The following ACBD6 variants were observed in gnomAD, a reference collection of about 807,000 sequenced individuals.
ACBD6 encodes the protein acyl-CoA binding domain containing 6, also known as acyl-CoA-binding domain-containing protein 6.
In ACBD6, 28 loss-of-function variants were observed where a neutral mutation model predicts 37.2. The observed-to-expected ratio is 0.75, with a 90% CI of 0.56 to 1.03. ACBD6 has a LOEUF of 1.03. Ranked by LOEUF, ACBD6 falls within the 50% of genes least tolerant of loss-of-function variation. The probability of loss-of-function intolerance (pLI) is 0.00; values close to 1 mark genes in which losing one functional copy is unlikely to be tolerated. For synonymous variants in ACBD6, 113 were observed against 126.8 expected, an observed-to-expected ratio of 0.89 and a Z score of 0.73; for missense variants, 340 against 337.4, an observed-to-expected ratio of 1.01 and a Z score of -0.06.
At chr1:180,271,480 G>A in exon 14 of ACBD6, 2 of 1,614,194 alleles carry the variant, frequency 1.2e-6, no homozygotes, top group South Asian at 1.1e-5. Flanking sequence ...AGCCTGCCCG[G>A]CACGTGAGGG....
intron 6 of ACBD6, among the ~76,000 whole-genome samples, chr1:180,315,222 A>G (rs1417684587): frequency 6.6e-6 from 1 of 152,194 alleles, no homozygotes; most frequent in East Asian, 1.9e-4. Context: ...TCATAAAGTA[A>G]TGTGATTTCA....
intron 6 of ACBD6, among the ~76,000 whole-genome samples, chr1:180,335,206 T>C (rs1651653143): frequency 6.6e-6 from 1 of 152,038 alleles, no homozygotes; most frequent in Non-Finnish European, 1.5e-5. Context: ...AGACACATAA[T>C]TGTCAGATTC....
At chr1:180,294,443 C>T (rs2149279978) in intron 7 of ACBD6, among the ~76,000 whole-genome samples, 1 of 152,042 alleles carries the variant, frequency 6.6e-6, no homozygotes, top group East Asian at 2.0e-4. Flanking sequence ...GAGGCTGAGG[C>T]AGGAGAATCG....
intron 4 of ACBD6, among the ~76,000 whole-genome samples, chr1:180,428,458 AT>A (rs1648686816): frequency 6.6e-6 from 1 of 152,236 alleles, no homozygotes; most frequent in Admixed American, 6.5e-5. Flanking sequence ...CACTGTCAAA[AT>A]TCTAAATACT....
At chr1:180,301,915 C>T (rs772178225) in intron 7 of ACBD6, among the ~76,000 whole-genome samples, 25 of 152,074 alleles carry the variant, frequency 1.6e-4, no homozygotes, top group African/African-American at 4.3e-4. Flanking sequence ...GTTAATTTTA[C>T]GCAGTTATGA....
intron 5 of ACBD6, among the ~76,000 whole-genome samples, chr1:180,402,893 T>A (rs1005185747): frequency 6.6e-6 from 1 of 152,050 alleles, no homozygotes; most frequent in Admixed American, 6.6e-5. Flanking sequence ...TATTATTTCA[T>A]CCTGTATAAA....
chr1:180,489,592 T>G (rs16856042), intron 3 of ACBD6, among the ~76,000 whole-genome samples: 15,943 of 151,460 alleles, frequency 0.11, 1,203 homozygotes, highest in African/African-American at 0.21. Flanking sequence ...TTTACTCAAG[T>G]GTATGTTCAA....
chr1:180,356,016 C>A (rs901406482), intron 6 of ACBD6, among the ~76,000 whole-genome samples: 22 of 147,698 alleles, frequency 1.5e-4, no homozygotes, highest in African/African-American at 4.9e-4. Flanking sequence ...TACAGGCACA[C>A]GCCACCACGC....
At chr1:180,427,917 T>TA (rs1210897980) in intron 4 of ACBD6, among the ~76,000 whole-genome samples, 4,324 of 111,728 alleles carry the variant, frequency 0.039, 210 homozygotes, top group African/African-American at 0.18. Flanking sequence ...AGACTCTGTC[T>TA]CAAAAAAAAA....
At chr1:180,350,565 T>C (rs1353663499) in intron 6 of ACBD6, among the ~76,000 whole-genome samples, 1 of 152,154 alleles carries the variant, frequency 6.6e-6, no homozygotes, top group African/African-American at 2.4e-5. Context: ...AAAAAATTCC[T>C]TATAGTCCTC....
chr1:180,407,803 ACT>A (rs1271570649), intron 5 of ACBD6, among the ~76,000 whole-genome samples: 4 of 152,196 alleles, frequency 2.6e-5, no homozygotes, highest in African/African-American at 9.7e-5. Context: ...AAGTGAAAGT[ACT>A]CTGTAAACTA....
At position 180,333,986 on chromosome 1, in the gene ACBD6, C is replaced by T. The variant is rs536864243; in HGVS notation, c.664-19264G>A. Among the ~76,000 whole-genome samples, 44 of 152,304 alleles carry T rather than the reference C, an allele frequency of 2.9e-4. No individual in the cohort carries two copies. In the South Asian group the frequency reaches 3.9e-3, roughly 14 times the overall value. Reference sequence around the variant, plus strand: ...CTGGGGGAGGGGCGCCTGCCATTGCCGAGGCTTGAGTAGGTAAACAAAGCG... The same window carrying T: ...CTGGGGGAGGGGCGCCTGCCATTGCTGAGGCTTGAGTAGGTAAACAAAGCG... On this transcript the variant is annotated intron_variant, in intron 6 of 7. Coordinates refer to ENST00000367595, the MANE Select transcript of ACBD6 (RefSeq NM_032360.4).
At chr1:180,433,612 G>C (rs1435750211) in intron 3 of ACBD6, among the ~76,000 whole-genome samples, 2 of 83,738 alleles carry the variant, frequency 2.4e-5, no homozygotes, top group Non-Finnish European at 5.3e-5. Flanking sequence ...GTGTGTGTGT[G>C]TGTGTGTACA....
intron 7 of ACBD6, among the ~76,000 whole-genome samples, chr1:180,304,484 G>C (rs1481547659): frequency 1.3e-5 from 2 of 150,704 alleles, no homozygotes; most frequent in African/African-American, 4.8e-5. Context: ...GCCAAATCAT[G>C]AGTGAACTCC....
Position 180,502,535 on chromosome 1 carries a change from C to T in ACBD6, c.-269G>A. 2.0e-6 allele frequency: 1 copy of T among 508,898 alleles called. No homozygotes were observed. The highest frequency in any genetic ancestry group is 3.6e-6 in the Non-Finnish European group (1 of 278,876). 31.5% of individuals were successfully genotyped at this position (508,898 alleles called of 1,614,324 possible). A position where few individuals can be genotyped will look rare whatever the true frequency, so the allele number is the denominator to read the frequency against. On this transcript the variant is annotated 5_prime_UTR_variant, in exon 1 of 8. Coordinates refer to ENST00000367595, the MANE Select transcript of ACBD6 (RefSeq NM_032360.4). ...CCCTCCGGCCAACAGCGCGCTCAGGCTCGCCTCAGGCCCCTCCAACGGAAC... is the reference window on the plus strand; with the variant it reads ...CCCTCCGGCCAACAGCGCGCTCAGGTTCGCCTCAGGCCCCTCCAACGGAAC...
intron 2 of ACBD6, among the ~76,000 whole-genome samples, chr1:180,493,247 C>CAAAAAAAAAAAAAAAATAAAAAAAA (rs1651579351): frequency 2.1e-5 from 1 of 47,810 alleles, no homozygotes; most frequent in Non-Finnish European, 3.2e-5. Context: ...AATTCTGTCT[C>CAAAAAAAAAAAAAAAATAAAAAAAA]AAAAAAAAAA....
At position 180,441,947 on chromosome 1, in the gene ACBD6, T is replaced by C. The variant is rs79978669; in HGVS notation, c.385-11685A>G. Among the ~76,000 whole-genome samples the C allele has an allele frequency of 8.2e-3, 1,248 of 152,348 alleles. 8 individuals carry two copies. The highest frequency in any genetic ancestry group is 0.017 in the Middle Eastern group (5 of 294). ...ACAGGAGTGGTGAAAGCAAGCATCC[T>C]TGTCTTATTCCTGATCTACCTCTGG... On this transcript the variant is annotated intron_variant, in intron 3 of 7. Transcript: ENST00000367595.
At chr1:180,285,001 T>C (rs775948904), downstream of ACBD6, among the ~76,000 whole-genome samples, 17 of 152,040 alleles carry the variant, frequency 1.1e-4, no homozygotes, top group Non-Finnish European at 2.4e-4. Flanking sequence ...TTGAGCCTCG[T>C]GGTGTGCACC....
At chr1:180,399,918 G>A (rs190766879) in intron 5 of ACBD6, among the ~76,000 whole-genome samples, 47 of 152,142 alleles carry the variant, frequency 3.1e-4, no homozygotes, top group African/African-American at 1.1e-3. Context: ...TAGTTAAGAC[G>A]ATGTGTGATA....
Sources: allele counts gnomAD v4.1 joint callset (sites outside exome capture counted in the v4.1 genomes callset), GRCh38; gene constraint gnomAD v4.1.1; transcripts MANE v1.5; gene names NCBI Gene and HGNC (gene_info 2026-07-23, HGNC 2026-07-21).